The following METTL17 variants were observed in gnomAD, a reference collection of about 807,000 sequenced individuals.
METTL17 encodes ribosome assembly protein METTL17, mitochondrial.
In METTL17, 49 loss-of-function variants were observed where a neutral mutation model predicts 59.4. The observed-to-expected ratio is 0.82, with a 90% CI of 0.66 to 1.05. The LOEUF (loss-of-function observed/expected upper bound fraction) is 1.05, where lower values mean the gene tolerates loss of function less well. Ranked by LOEUF, METTL17 falls within the 50% of genes least tolerant of loss-of-function variation. The pLI is 0.00. For synonymous variants in METTL17, 208 were observed against 209.2 expected (o/e 0.99, Z 0.05); for missense variants, 555 against 578.4 (o/e 0.96, Z 0.41).
At position 20,992,051 on chromosome 14, in the gene METTL17, C is replaced by T. The variant is rs754420440; in HGVS notation, c.365-73C>T. ...GTGGAGTCGGGGAGGACTGGGTGGG[C>T]AGTATATTCAGATATTGGATCTGAG... On this transcript the variant is annotated intron_variant, in intron 3 of 13. Transcript: ENST00000339374. 6.8e-6 allele frequency: 9 copies of T among 1,330,586 alleles called. No homozygotes were observed. The East Asian group carries it at 1.4e-4, about 21-fold the overall frequency. 82.4% of individuals were successfully genotyped at this position (1,330,586 alleles called of 1,614,324 possible).
At chr14:20,995,580 A>G (rs1210502555) in intron 10 of METTL17, among the ~76,000 whole-genome samples, 1 of 152,184 alleles carries the variant, frequency 6.6e-6, no homozygotes, top group African/African-American at 2.4e-5. Flanking sequence ...TTGCTGAGCT[A>G]AGAACCTTGT....
chr14:20,995,841 T>C lies in METTL17; in HGVS notation c.946-60T>C, dbSNP rs575175167. On this transcript the variant is annotated intron_variant, in intron 10 of 13. Coordinates refer to ENST00000339374, the MANE Select transcript of METTL17 (RefSeq NM_022734.3). Reference sequence around the variant, plus strand: ...GTCCTCAGTTTACTGAGTGCAGAGATTGAATTATGAAAATAGACCCTTGGC... The same window carrying C: ...GTCCTCAGTTTACTGAGTGCAGAGACTGAATTATGAAAATAGACCCTTGGC... 3.6e-6 allele frequency: 5 copies of C among 1,402,158 alleles called. No individual in the cohort carries two copies. In the South Asian group the frequency reaches 5.8e-5, roughly 16 times the overall value. 86.9% of individuals were successfully genotyped at this position (1,402,158 alleles called of 1,614,324 possible).
At position 20,989,992 on chromosome 14, in the gene METTL17, C is replaced by T; in HGVS notation, c.-11C>T. The T allele has an allele frequency of 6.3e-7, 1 of 1,583,884 alleles. No homozygotes were observed. The highest frequency in any genetic ancestry group is 8.6e-7 in the Non-Finnish European group (1 of 1,162,616). ...CACCTGTATTTCCGTTTCCGGTTCGCCTCCGGAGCCATGGCGGCGGCACTG... is the reference window on the plus strand; with the variant it reads ...CACCTGTATTTCCGTTTCCGGTTCGTCTCCGGAGCCATGGCGGCGGCACTG... On this transcript the variant is annotated 5_prime_UTR_variant, in exon 1 of 14. Transcript: ENST00000339374.
chr14:20,990,467 G>A lies in METTL17; in HGVS notation c.233G>A (p.Ser78Asn). The change falls in exon 3 of 14, where the codon AGC becomes AAC. Residue 78 changes from serine (S) to asparagine (N), a missense_variant. Coordinates refer to ENST00000339374, the MANE Select transcript of METTL17 (RefSeq NM_022734.3). ...ANGAQLLLLG[S>N]AGPTMENQVQ... Reference sequence around the variant, plus strand: ...GCTTTTCGTCTTTGGCCCATAGGGAGCGCTGGGCCCACTATGGAGAATCAG... The same window carrying A: ...GCTTTTCGTCTTTGGCCCATAGGGAACGCTGGGCCCACTATGGAGAATCAG... 6.2e-7 allele frequency: 1 copy of A among 1,614,216 alleles called. No individual in the cohort carries two copies.
intron 3 of METTL17, 100 bp from the exon 4 acceptor site, chr14:20,992,024 A>T (rs1880052578): frequency 2.8e-6 from 3 of 1,069,320 alleles, no homozygotes; most frequent in Non-Finnish European, 4.2e-6. Context: ...GGCTTTTCTT[A>T]GGTGGAGTCG....
At chr14:20,995,831 A>C in intron 10 of METTL17, 70 bp from the exon 11 acceptor site, 1 of 1,258,274 alleles carries the variant, frequency 7.9e-7, no homozygotes, top group Non-Finnish European at 1.2e-6. Context: ...CAGTTTACTG[A>C]GTGCAGAGAT....
chr14:20,995,331 C>G (rs747371444), intron 10 of METTL17, 98 bp downstream of exon 10: 4 of 1,112,776 alleles, frequency 3.6e-6, no homozygotes, highest in Non-Finnish European at 5.4e-6. Flanking sequence ...ACAAGGGTGG[C>G]TCTCAGGAAA....
chr14:20,994,946 AT>A (rs1426986723), intron 9 of METTL17, 45 bp downstream of exon 9: 6 of 1,443,908 alleles, frequency 4.2e-6, no homozygotes, highest in Admixed American at 3.7e-5. Flanking sequence ...AAGCAGCTTC[AT>A]GGATTTCATG....
chr14:20,992,710 C>A, intron 5 of METTL17, 88 bp downstream of exon 5: 2 of 1,015,494 alleles, frequency 2.0e-6, no homozygotes, highest in Non-Finnish European at 3.1e-6. Flanking sequence ...ATTCTTGGGA[C>A]ATTGCATATG....
In METTL17 at chr14:20,990,267, A is replaced by G; in HGVS notation, c.113A>G (p.Asp38Gly). Reference sequence around the variant, plus strand: ...TTAGTACCCGGAGTGACCCAGGTAGATAACAAGTCCGGTTTCCTGCAGAAG... The same window carrying G: ...TTAGTACCCGGAGTGACCCAGGTAGGTAACAAGTCCGGTTTCCTGCAGAAG... ...AALVPGVTQV[D>G]NKSGFLQKRP... The change falls in exon 2 of 14, where the codon GAT becomes GGT. Residue 38 changes from aspartate to glycine, a missense_variant. Transcript: ENST00000339374. The G allele has an allele frequency of 6.2e-7, 1 of 1,614,228 alleles. No homozygotes were observed. Among genetic ancestry groups the G allele is most frequent in the Non-Finnish European group, 8.5e-7 (1 of 1,180,032 alleles).
intron 7 of METTL17, among the ~76,000 whole-genome samples, 163 bp downstream of exon 7, chr14:20,994,226 G>C (rs1389073309): frequency 2.6e-5 from 4 of 151,812 alleles, no homozygotes; most frequent in Non-Finnish European, 5.9e-5. Context: ...GTTTCTGCTG[G>C]ACTGAGGATG....
chr14:20,994,349 G>T (rs1470143487), intron 7 of METTL17, among the ~76,000 whole-genome samples, 194 bp from the exon 8 acceptor site: 1 of 150,930 alleles, frequency 6.6e-6, no homozygotes, highest in African/African-American at 2.4e-5. Context: ...TCAAACTCCT[G>T]GCCTCAAGCC....
At chr14:20,994,667 T>C (rs1279527211) in intron 8 of METTL17, 54 bp downstream of exon 8, 1 of 1,582,812 alleles carries the variant, frequency 6.3e-7, no homozygotes, top group Admixed American at 1.7e-5. Flanking sequence ...GATGGAAAAC[T>C]ATGGCTTGAG....
chr14:20,992,064 T>G, intron 3 of METTL17, 60 bp from the exon 4 acceptor site: 1 of 1,470,836 alleles, frequency 6.8e-7, no homozygotes. Flanking sequence ...TATATTCAGA[T>G]ATTGGATCTG....
Position 20,990,383 on chromosome 14 carries a change from G to A in METTL17, c.229G>A (p.Gly77Arg). 1 of 1,613,852 alleles carries A rather than the reference G, an allele frequency of 6.2e-7. No homozygotes were observed. The highest frequency in any genetic ancestry group is 8.5e-7 in the Non-Finnish European group (1 of 1,179,796). Residue 77 changes from glycine to arginine, a missense_variant and splice_region_variant, in exon 2 of 14, where the codon GGG (glycine) becomes AGG (arginine). Coordinates refer to ENST00000339374, the MANE Select transcript of METTL17 (RefSeq NM_022734.3). ...LANGAQLLLLGSAGPTMENQV... is the reference protein window; with the variant it reads ...LANGAQLLLLRSAGPTMENQV... ...TAACGGTGCCCAGTTATTGCTACTT[G>A]GTGAGTAACGGCGGGAAAGCGAGAA...
chr14:20,994,216 G>C lies in METTL17; in HGVS notation c.697+153G>C, dbSNP rs374320132. ...AGTCAAGCAAAGGGTGGTATTAGAG[G>C]TTTCTGCTGGACTGAGGATGGGTTG... On this transcript the variant is annotated intron_variant, in intron 7 of 13. Transcript: ENST00000339374. 7.1e-4 allele frequency among the ~76,000 whole-genome samples: 108 copies of C among 151,808 alleles called. 1 individual carries two copies. Among genetic ancestry groups the C allele is most frequent in the African/African-American group, 2.5e-3 (105 of 41,384 alleles).
chr14:20,993,385 A>T (rs1339975089), intron 6 of METTL17, 194 bp downstream of exon 6: 1 of 490,424 alleles, frequency 2.0e-6, no homozygotes, highest in Non-Finnish European at 3.6e-6. Flanking sequence ...AGAAATGTCA[A>T]GTAAAAAAAG....
chr14:20,995,306 G>C, intron 10 of METTL17, 73 bp downstream of exon 10: 4 of 1,363,332 alleles, frequency 2.9e-6, no homozygotes, highest in Non-Finnish European at 4.2e-6. Flanking sequence ...AAACGAAAGA[G>C]ACTGTCATGT....
chr14:20,994,402 C>T (rs868556956), intron 7 of METTL17, 141 bp from the exon 8 acceptor site: 27 of 753,672 alleles, frequency 3.6e-5, no homozygotes, highest in East Asian at 2.2e-4. Flanking sequence ...ATTACAGGCA[C>T]GCACCGCCAT....
Sources: allele counts gnomAD v4.1 joint callset (sites outside exome capture counted in the v4.1 genomes callset), GRCh38; gene constraint gnomAD v4.1.1; transcripts MANE v1.5; gene names NCBI Gene and HGNC (gene_info 2026-07-23, HGNC 2026-07-21).